LINC00632: variants seen among roughly 807,000 people sequenced by gnomAD.
LINC00632 encodes the protein ALDOA related specific transcript.
At chrX:140,780,159 T>C in exon 5 of LINC00632, among the ~76,000 whole-genome samples, 1 of 112,167 alleles carries the variant, frequency 8.9e-6, no homozygotes, top group Admixed American at 9.5e-5. Context: ...CTTAGTACAG[T>C]GCCTGGCACA....
At chrX:140,717,571 C>T (rs1930656240) in intron 2 of LINC00632, among the ~76,000 whole-genome samples, 1 of 111,010 alleles carries the variant, frequency 9.0e-6, no homozygotes, top group Non-Finnish European at 1.9e-5. Context: ...AAACCCACGC[C>T]CACAATGCTA....
rs988424415 is a variant in LINC00632 at position 140,762,209 on chromosome X, A to G, written n.192-9869A>G. Among the ~76,000 whole-genome samples, 8 of 67,137 alleles carry G rather than the reference A, an allele frequency of 1.2e-4. No homozygotes were observed. The South Asian group carries it at 6.5e-3, about 54-fold the overall frequency. 58.3% of individuals were successfully genotyped at this position (67,137 alleles called of 115,157 possible). On this transcript the variant is annotated intron_variant and non_coding_transcript_variant, in intron 3 of 4. Transcript: ENST00000648200. Reference sequence around the variant, plus strand: ...ATAGCGACCTCGTCAGTTTTTCGAAAAGAGAGAGAGAGAGAGAGAGAGAGA... The same window carrying G: ...ATAGCGACCTCGTCAGTTTTTCGAAGAGAGAGAGAGAGAGAGAGAGAGAGA...
exon 5 of LINC00632, chrX:140,784,137 T>A: frequency 1.7e-6 from 2 of 1,210,855 alleles, no homozygotes; most frequent in Non-Finnish European, 2.2e-6. Flanking sequence ...ATCCTTGTCT[T>A]CCCTCAAATC....
intron 2 of LINC00632, among the ~76,000 whole-genome samples, chrX:140,727,744 C>G (rs774055734): frequency 1.9e-4 from 21 of 112,129 alleles, no homozygotes; most frequent in South Asian, 1.5e-3. Flanking sequence ...TACAGTGAAC[C>G]TACAAGAAAC....
rs1470088597 is a variant in LINC00632, at chrX:140,725,930, C to A, written n.105-7948C>A. 3.6e-5 allele frequency among the ~76,000 whole-genome samples: 4 copies of A among 111,673 alleles called. No individual in the cohort carries two copies. The Admixed American group carries it at 3.9e-4, about 11-fold the overall frequency. ...ACACCCAGACTTGCTGCACAGCATT[C>A]AGACTCACACTATGACACTCATACT... On this transcript the variant is annotated intron_variant and non_coding_transcript_variant, in intron 2 of 4. Coordinates refer to ENST00000648200, the Ensembl canonical transcript of LINC00632.
chrX:140,749,503 A>G (rs1312279515), intron 3 of LINC00632, among the ~76,000 whole-genome samples: 2 of 111,160 alleles, frequency 1.8e-5, no homozygotes, highest in Non-Finnish European at 3.8e-5. Flanking sequence ...AACTGCCCAG[A>G]TATCAAGGAA....
intron 2 of LINC00632, among the ~76,000 whole-genome samples, chrX:140,726,437 A>G (rs1371557811): frequency 1.8e-5 from 2 of 111,175 alleles, no homozygotes; most frequent in African/African-American, 6.6e-5. Context: ...CAATTCCTAA[A>G]TTTACACCAA....
At chrX:140,781,021 A>G (rs769656295) in exon 5 of LINC00632, among the ~76,000 whole-genome samples, 1 of 109,546 alleles carries the variant, frequency 9.1e-6, no homozygotes, top group Admixed American at 9.9e-5. Flanking sequence ...TGATTCCAAT[A>G]CCTCCTGGTT....
intron 2 of LINC00632, among the ~76,000 whole-genome samples, chrX:140,720,042 G>A (rs1458090196): frequency 9.7e-6 from 1 of 103,472 alleles, no homozygotes; most frequent in African/African-American, 3.6e-5. Flanking sequence ...AGCCAAGACC[G>A]CACCATTGCC....
chrX:140,771,871 G>A (rs756328088), intron 3 of LINC00632, among the ~76,000 whole-genome samples: 110 of 107,311 alleles, frequency 1.0e-3, no homozygotes, highest in Non-Finnish European at 1.4e-3. Flanking sequence ...TAGTAGAGAC[G>A]GGGTTTCGCC....
intron 2 of LINC00632, among the ~76,000 whole-genome samples, chrX:140,725,922 A>G (rs1302797929): frequency 9.0e-6 from 1 of 111,712 alleles, no homozygotes; most frequent in African/African-American, 3.3e-5. Flanking sequence ...GACTTGCTGC[A>G]CAGCATTCAG....
chrX:140,718,297 C>T (rs962792708), intron 2 of LINC00632, among the ~76,000 whole-genome samples: 23 of 111,186 alleles, frequency 2.1e-4, no homozygotes, highest in African/African-American at 6.9e-4. Context: ...TCTAAAACAA[C>T]TCGAATCAAC....
At chrX:140,740,372 G>A (rs1265368693) in intron 3 of LINC00632, among the ~76,000 whole-genome samples, 1 of 111,302 alleles carries the variant, frequency 9.0e-6, no homozygotes. Context: ...TCTAGTTTTT[G>A]TTTTATATTA....
At chrX:140,717,261 G>A (rs1182694600) in intron 2 of LINC00632, among the ~76,000 whole-genome samples, 3 of 110,574 alleles carry the variant, frequency 2.7e-5, no homozygotes, top group Non-Finnish European at 3.8e-5. Flanking sequence ...GATAACAGGC[G>A]TGAGCGACCG....
At position 140,713,393 on chromosome X, in the gene LINC00632, G is replaced by A. The variant is rs770393527; in HGVS notation, n.104+1737G>A. The stretch of plus-strand genomic sequence containing the variant: ...TCGGCTGCTTGCTAGTTGCATGACT[G>A]TGGGACGGGTTACTTAAATCTCTTC... On this transcript the variant is annotated intron_variant and non_coding_transcript_variant, in intron 2 of 4. Transcript: ENST00000648200. 5.7e-5 allele frequency: 16 copies of A among 280,174 alleles called. No individual in the cohort carries two copies. The East Asian group carries it at 1.6e-3, about 29-fold the overall frequency. 23.1% of individuals were successfully genotyped at this position (280,174 alleles called of 1,213,427 possible).
exon 4 of LINC00632, among the ~76,000 whole-genome samples, chrX:140,773,255 T>C (rs774303328): frequency 2.7e-5 from 3 of 109,747 alleles, no homozygotes; most frequent in Non-Finnish European, 5.7e-5. Flanking sequence ...TGAAAAGAAG[T>C]GGAGAAGTGA....
At chrX:140,714,250 C>A (rs1487025160) in intron 2 of LINC00632, 1 of 147,398 alleles carries the variant, frequency 6.8e-6, no homozygotes, top group East Asian at 1.8e-4. Context: ...CAGACAAGCA[C>A]CATAGGCCAC....
intron 2 of LINC00632, among the ~76,000 whole-genome samples, chrX:140,719,625 C>A (rs1290139674): frequency 9.1e-6 from 1 of 109,308 alleles, no homozygotes; most frequent in East Asian, 3.0e-4. Context: ...CACAGACTGG[C>A]CACACAAAAT....
At chrX:140,783,756 T>C in exon 5 of LINC00632, 1 of 1,210,777 alleles carries the variant, frequency 8.3e-7, no homozygotes. Flanking sequence ...AATCCAGGTC[T>C]TCCAGCCAAT....
Sources: allele counts gnomAD v4.1 joint callset (sites outside exome capture counted in the v4.1 genomes callset), GRCh38; gene constraint gnomAD v4.1.1; transcripts MANE v1.5; gene names NCBI Gene and HGNC (gene_info 2026-07-23, HGNC 2026-07-21).